The following ABLIM2 variants were observed in gnomAD, a reference collection of about 807,000 sequenced individuals.
The protein encoded by ABLIM2 is actin binding LIM protein family member 2.
Under a neutral mutation model 97.7 loss-of-function variants are expected in ABLIM2, and 53 were observed. That is an observed-to-expected ratio of 0.54 (90% CI 0.44 to 0.68). The LOEUF (loss-of-function observed/expected upper bound fraction) is 0.68. Ranked by LOEUF, ABLIM2 falls within the 30% of genes least tolerant of loss-of-function variation. ABLIM2 has a pLI of 0.00. For synonymous variants in ABLIM2, 361 were observed against 345.8 expected (o/e 1.04, Z -0.49); for missense variants, 835 against 867.2 (o/e 0.96, Z 0.47).
chr4:8,114,800 G>A (rs1044348379), intron 1 of ABLIM2, among the ~76,000 whole-genome samples: 1 of 151,938 alleles, frequency 6.6e-6, no homozygotes, highest in African/African-American at 2.4e-5. Flanking sequence ...GGCAGCCACC[G>A]CCCCGTCCCC....
chr4:8,133,402 C>T (rs967087101), intron 1 of ABLIM2, among the ~76,000 whole-genome samples: 17 of 152,188 alleles, frequency 1.1e-4, no homozygotes, highest in African/African-American at 3.9e-4. Flanking sequence ...TCCCCGTCCC[C>T]TGCGGGGTAT....
chr4:8,097,928 C>T (rs1357039749), intron 2 of ABLIM2, among the ~76,000 whole-genome samples: 2 of 152,174 alleles, frequency 1.3e-5, no homozygotes, highest in South Asian at 4.1e-4. Flanking sequence ...TGTCTCTTTT[C>T]CCAACACACA....
rs932190538 is a variant in ABLIM2 at position 7,970,929 on chromosome 4, G to C, written c.1825-3826C>G. 9.9e-5 allele frequency among the ~76,000 whole-genome samples: 15 copies of C among 152,042 alleles called. No homozygotes were observed. Among genetic ancestry groups the C allele is most frequent in the African/African-American group, 3.1e-4 (13 of 41,410 alleles). Reference sequence around the variant, plus strand: ...GCCAGGGGTCTAGGGGGCTGACAGGGACCACCTCCCCGCAGGCTCCAGTCC... The same window carrying C: ...GCCAGGGGTCTAGGGGGCTGACAGGCACCACCTCCCCGCAGGCTCCAGTCC... On this transcript the variant is annotated intron_variant, in intron 20 of 20. Transcript: ENST00000447017. The surrounding 1 kb of genome is among the most constrained non-coding windows in gnomAD (Gnocchi z 5.3).
At chr4:8,031,599 T>A (rs4696731) in intron 10 of ABLIM2, among the ~76,000 whole-genome samples, 2 of 152,020 alleles carry the variant, frequency 1.3e-5, no homozygotes, top group African/African-American at 4.8e-5. Flanking sequence ...GAAATCCTCC[T>A]GCACCTCATA....
chr4:8,093,127 G>A (rs1166221523), intron 3 of ABLIM2, among the ~76,000 whole-genome samples: 1 of 152,216 alleles, frequency 6.6e-6, no homozygotes, highest in East Asian at 1.9e-4. Flanking sequence ...GGGATTACAG[G>A]CGTGAGCCAC....
intron 3 of ABLIM2, 66 bp downstream of exon 3, chr4:8,097,033 G>A (rs917852408): frequency 7.3e-6 from 11 of 1,507,422 alleles, no homozygotes; most frequent in Middle Eastern, 1.7e-4. Context: ...GAAGGGAAGG[G>A]AGGGAGGGAA....
chr4:8,049,038 C>T (rs10938682), intron 8 of ABLIM2, among the ~76,000 whole-genome samples: 44,233 of 152,094 alleles, frequency 0.29, 6,560 homozygotes, highest in South Asian at 0.42. Flanking sequence ...GACCATCAGC[C>T]GCAGCTCCAG....
intron 9 of ABLIM2, among the ~76,000 whole-genome samples, chr4:8,041,145 T>C (rs974630648): frequency 6.6e-6 from 1 of 152,226 alleles, no homozygotes; most frequent in Non-Finnish European, 1.5e-5. Flanking sequence ...CACGCTGCAG[T>C]TGACCTGGGT....
At chr4:8,006,536 T>C (rs904730262) in intron 16 of ABLIM2, among the ~76,000 whole-genome samples, 2 of 152,042 alleles carry the variant, frequency 1.3e-5, no homozygotes, top group Non-Finnish European at 2.9e-5. Context: ...CTGAGCAAAG[T>C]AGGGAGGGTG....
intron 7 of ABLIM2, among the ~76,000 whole-genome samples, chr4:8,059,919 A>C (rs139738844): frequency 1.3e-3 from 109 of 84,044 alleles, no homozygotes; most frequent in African/African-American, 3.4e-3. Context: ...AAAAAAAAAA[A>C]AAAAAAAACC....
intron 2 of ABLIM2, 77 bp downstream of exon 2, chr4:8,106,417 G>A (rs1837424898): frequency 1.3e-6 from 2 of 1,544,792 alleles, no homozygotes; most frequent in Admixed American, 3.9e-5. Context: ...AGCTTCCCAG[G>A]AGGCTTTGCG....
rs562053544 is a variant in ABLIM2, at chr4:7,981,347, C to T, written c.1824+1917G>A. Among the ~76,000 whole-genome samples, 3 of 152,278 alleles carry T rather than the reference C, an allele frequency of 2.0e-5. No individual in the cohort carries two copies. The East Asian group carries it at 5.8e-4, about 29-fold the overall frequency. ...CCAATCAGAAAATCTTTGAATCCAC[C>T]TATGACCTGTAAGCCCCCACCTCGA... On this transcript the variant is annotated intron_variant, in intron 20 of 20. Transcript: ENST00000447017.
Position 7,999,351 on chromosome 4 carries a change from C to G in ABLIM2, c.1619-6424G>C, listed in dbSNP as rs1755537972. ...GAGATTACAGGCGTGAGCCACTGCGCCCGGCCAAGAATCACTGGTTTAAAA... is the reference window on the plus strand; with the variant it reads ...GAGATTACAGGCGTGAGCCACTGCGGCCGGCCAAGAATCACTGGTTTAAAA... On this transcript the variant is annotated intron_variant, in intron 16 of 20. Transcript: ENST00000447017. The surrounding 1 kb of genome is among the most constrained non-coding windows in gnomAD (Gnocchi z 4.4). Among the ~76,000 whole-genome samples, 1 of 152,218 alleles carries G rather than the reference C, an allele frequency of 6.6e-6. No homozygotes were observed. Among genetic ancestry groups the G allele is most frequent in the South Asian group, 2.1e-4 (1 of 4,830 alleles).
At chr4:8,091,304 A>G (rs1827332747) in intron 3 of ABLIM2, among the ~76,000 whole-genome samples, 1 of 34,976 alleles carries the variant, frequency 2.9e-5, no homozygotes, top group African/African-American at 1.5e-4. Context: ...TATATATTAT[A>G]TTATATATAT....
At position 8,068,851 on chromosome 4, in the gene ABLIM2, A is replaced by T. The variant is rs1809816165; in HGVS notation, c.676-7797T>A. ...ACTTCCAGAACTGAGTCCAGGTCTTAAAAGACCTAATCACCATGATGCACA... is the reference window on the plus strand; with the variant it reads ...ACTTCCAGAACTGAGTCCAGGTCTTTAAAGACCTAATCACCATGATGCACA... On this transcript the variant is annotated intron_variant, in intron 6 of 20. Coordinates refer to ENST00000447017, the MANE Select transcript of ABLIM2 (RefSeq NM_001130083.2). This position sits in a 1 kb window ranked among gnomAD's most constrained non-coding sequence, Gnocchi z 4.5. Among the ~76,000 whole-genome samples, 1 of 152,264 alleles carries T rather than the reference A, an allele frequency of 6.6e-6. No homozygotes were observed. The highest frequency in any genetic ancestry group is 1.5e-5 in the Non-Finnish European group (1 of 68,044).
Position 8,128,701 on chromosome 4 carries a change from T to C in ABLIM2, c.11-22064A>G, listed in dbSNP as rs996913207. ...GTGTCCCCTCCCCAGACTCACATGCTGATATCCTAAACCCCAGTGTGACAG... is the reference window on the plus strand; with the variant it reads ...GTGTCCCCTCCCCAGACTCACATGCCGATATCCTAAACCCCAGTGTGACAG... On this transcript the variant is annotated intron_variant, in intron 1 of 20. Transcript: ENST00000447017. This position sits in a 1 kb window ranked among gnomAD's most constrained non-coding sequence, Gnocchi z 4.9. Among the ~76,000 whole-genome samples the C allele has an allele frequency of 2.0e-5, 3 of 152,174 alleles. No homozygotes were observed. Among genetic ancestry groups the C allele is most frequent in the African/African-American group, 4.8e-5 (2 of 41,454 alleles).
At chr4:8,153,954 ACTT>A (rs1714077516) in intron 1 of ABLIM2, among the ~76,000 whole-genome samples, 7 of 139,624 alleles carry the variant, frequency 5.0e-5, no homozygotes, top group African/African-American at 1.1e-4. Context: ...TCTAAATTAA[ACTT>A]CTTTTCTTTT....
intron 6 of ABLIM2, among the ~76,000 whole-genome samples, chr4:8,064,176 A>T (rs1489914328): frequency 6.6e-6 from 1 of 152,296 alleles, no homozygotes; most frequent in Non-Finnish European, 1.5e-5. Context: ...TGCAGAAATA[A>T]ATTTGCCTTG....
chr4:8,004,876 C>A lies in ABLIM2; in HGVS notation c.1618+3183G>T, dbSNP rs965811418. On this transcript the variant is annotated intron_variant, in intron 16 of 20. Transcript: ENST00000447017. The surrounding 1 kb of genome is among the most constrained non-coding windows in gnomAD (Gnocchi z 5.9). ...ATAAAATATAGATTTCACTATGACG[C>A]CCTCTTTGGAGGGGTGGCAATGCCT... 6.6e-6 allele frequency among the ~76,000 whole-genome samples: 1 copy of A among 152,190 alleles called. No homozygotes were observed. The highest frequency in any genetic ancestry group is 2.4e-5 in the African/African-American group (1 of 41,458).
Sources: gnomAD v4.1 joint callset for allele counts (sites outside exome capture counted in the v4.1 genomes callset) on GRCh38, gnomAD v4.1.1 for gene constraint, Gnocchi (gnomAD v3.1) non-coding constraint, MANE v1.5 for transcripts, NCBI Gene and HGNC (gene_info 2026-07-23, HGNC 2026-07-21) for gene names.